Variants in SPOCK1 observed in about 807,000 individuals in gnomAD.
SPOCK1 encodes the protein testican-1.
A neutral mutation model predicts 55.3 loss-of-function variants in SPOCK1; 23 were observed. The observed-to-expected ratio is 0.42, with a 90% confidence interval of 0.30 to 0.59. SPOCK1 has a LOEUF of 0.59. Among genes scored for constraint, SPOCK1 ranks in the 20% least tolerant of loss-of-function variants. SPOCK1 has a pLI of 0.22. For synonymous variants in SPOCK1, 226 were observed against 221.0 expected (o/e 1.02, Z -0.20); for missense variants, 499 against 552.5 (o/e 0.90, Z 0.97).
chr5:137,145,132 A>AT (rs1296706596), intron 3 of SPOCK1, among the ~76,000 whole-genome samples: 1 of 152,162 alleles, frequency 6.6e-6, no homozygotes, highest in Non-Finnish European at 1.5e-5. Flanking sequence ...AAATCCAATT[A>AT]TTTTTTTCAA....
intron 2 of SPOCK1, among the ~76,000 whole-genome samples, chr5:137,419,429 A>G (rs1752433500): frequency 6.6e-6 from 1 of 152,214 alleles, no homozygotes; most frequent in Non-Finnish European, 1.5e-5. Context: ...CTTCCTACCC[A>G]TGAGCATGGA....
At chr5:137,084,859 T>A (rs1217039930) in intron 5 of SPOCK1, among the ~76,000 whole-genome samples, 2 of 151,680 alleles carry the variant, frequency 1.3e-5, no homozygotes, top group Non-Finnish European at 2.9e-5. Flanking sequence ...CTCCAAATGC[T>A]TTTCCTCGGG....
chr5:137,105,913 G>A (rs192528191), intron 5 of SPOCK1, among the ~76,000 whole-genome samples: 3 of 152,272 alleles, frequency 2.0e-5, no homozygotes, highest in African/African-American at 2.4e-5. Flanking sequence ...CTTGGTCGCC[G>A]ATTACCAGCA....
At chr5:137,344,352 G>A (rs976688153) in intron 2 of SPOCK1, among the ~76,000 whole-genome samples, 2 of 152,220 alleles carry the variant, frequency 1.3e-5, no homozygotes, top group African/African-American at 4.8e-5. Context: ...TTACAAGTCC[G>A]AAGTCATTTC....
At chr5:137,016,335 G>A (rs771477861) in intron 6 of SPOCK1, among the ~76,000 whole-genome samples, 7 of 152,148 alleles carry the variant, frequency 4.6e-5, no homozygotes, top group Non-Finnish European at 1.5e-5. Context: ...CCGCAAGCAC[G>A]AGCACAGCAG....
At chr5:137,143,438 G>A (rs868233437) in intron 3 of SPOCK1, among the ~76,000 whole-genome samples, 28 of 151,150 alleles carry the variant, frequency 1.9e-4, no homozygotes, top group Middle Eastern at 3.4e-3. Context: ...CCAAGGCAGA[G>A]TAGCTTCTGG....
chr5:137,253,751 C>G (rs1200605651), intron 3 of SPOCK1, among the ~76,000 whole-genome samples: 1 of 152,212 alleles, frequency 6.6e-6, no homozygotes, highest in African/African-American at 2.4e-5. Flanking sequence ...CCCTTTGCAA[C>G]TCCCACCCTC....
At position 136,976,795 on chromosome 5, in the gene SPOCK1, G is replaced by C. The variant is rs894094229; in HGVS notation, c.*1859C>G. On this transcript the variant is annotated 3_prime_UTR_variant, in exon 11 of 11. Transcript: ENST00000394945. ...GTTATTTACGAAGCCAAAGGACTTT[G>C]CTATATCAAGTAGTTCATTTCTTAT... 2.6e-5 allele frequency: 4 copies of C among 152,188 alleles called. No homozygotes were observed. Among genetic ancestry groups the C allele is most frequent in the Non-Finnish European group, 5.9e-5 (4 of 68,038 alleles). The allele number at this position is 152,188 out of a possible 1,614,324, so 9.4% of individuals were successfully genotyped here.
At chr5:137,140,717 G>T (rs370837423) in intron 3 of SPOCK1, 23 bp from the exon 4 acceptor site, 2 of 1,497,738 alleles carry the variant, frequency 1.3e-6, no homozygotes, top group African/African-American at 1.4e-5. Context: ...CAAGAAGGAG[G>T]GCAGGGTTTA....
rs739926 is a variant in SPOCK1 at position 137,113,249 on chromosome 5, C to T, written c.348-688G>A. Among the ~76,000 whole-genome samples the T allele has an allele frequency of 5.0e-3, 763 of 152,258 alleles. 8 individuals carry two copies. The highest frequency in any genetic ancestry group is 0.017 in the African/African-American group (718 of 41,542). On this transcript the variant is annotated intron_variant, in intron 4 of 10. Coordinates refer to ENST00000394945, the MANE Select transcript of SPOCK1 (RefSeq NM_004598.4). ...TAAATGTCGCTATTAGGATGACTTA[C>T]GTCCACGGAAGGAACCCCATCACTA...
intron 3 of SPOCK1, among the ~76,000 whole-genome samples, chr5:137,187,535 T>G (rs899862411): frequency 3.9e-5 from 6 of 152,106 alleles, no homozygotes; most frequent in Admixed American, 6.6e-5. Context: ...CTTACTGAGG[T>G]GTTCCTGGGT....
intron 6 of SPOCK1, among the ~76,000 whole-genome samples, chr5:137,039,270 C>CTTCTT (rs1751943520): frequency 7.9e-5 from 7 of 88,948 alleles, no homozygotes; most frequent in African/African-American, 2.6e-4. Flanking sequence ...GCCTGCCACA[C>CTTCTT]TTTTTTTTTT....
intron 2 of SPOCK1, among the ~76,000 whole-genome samples, chr5:137,460,913 T>A (rs1404964624): frequency 6.6e-6 from 1 of 152,170 alleles, no homozygotes; most frequent in Non-Finnish European, 1.5e-5. Flanking sequence ...ACCAGCTGCC[T>A]CCACTCAACT....
At chr5:137,433,970 A>G (rs945811119) in intron 2 of SPOCK1, among the ~76,000 whole-genome samples, 5 of 152,270 alleles carry the variant, frequency 3.3e-5, no homozygotes, top group Non-Finnish European at 5.9e-5. Context: ...GAAACAATTC[A>G]TGACAAAAAT....
At chr5:137,343,808 G>A (rs992155689) in intron 2 of SPOCK1, among the ~76,000 whole-genome samples, 11 of 152,188 alleles carry the variant, frequency 7.2e-5, no homozygotes, top group African/African-American at 2.2e-4. Context: ...CAGAAAGCCT[G>A]TAAGGTGCTG....
intron 2 of SPOCK1, among the ~76,000 whole-genome samples, chr5:137,298,881 T>C (rs748872526): frequency 1.3e-5 from 2 of 152,176 alleles, no homozygotes; most frequent in African/African-American, 2.4e-5. Flanking sequence ...CCCATTTCTC[T>C]ATATTTCAAG....
chr5:137,457,026 C>CT (rs1580937695), intron 2 of SPOCK1, among the ~76,000 whole-genome samples: 2 of 152,334 alleles, frequency 1.3e-5, no homozygotes, highest in East Asian at 3.9e-4. Context: ...AGTTATCCTA[C>CT]TTAATGGTCT....
intron 4 of SPOCK1, among the ~76,000 whole-genome samples, chr5:137,113,712 A>G (rs1405074134): frequency 6.6e-6 from 1 of 152,218 alleles, no homozygotes; most frequent in Non-Finnish European, 1.5e-5. Flanking sequence ...AATGGTAGCC[A>G]TTATTACAAT....
At chr5:137,357,839 T>C (rs1271344411) in intron 2 of SPOCK1, among the ~76,000 whole-genome samples, 2 of 152,142 alleles carry the variant, frequency 1.3e-5, no homozygotes, top group Admixed American at 6.5e-5. Context: ...CCCTTATAAT[T>C]CCCTCTTCTT....
Sources: gnomAD v4.1 joint callset for allele counts (sites outside exome capture counted in the v4.1 genomes callset) on GRCh38, gnomAD v4.1.1 for gene constraint, MANE v1.5 for transcripts, NCBI Gene and HGNC (gene_info 2026-07-23, HGNC 2026-07-21) for gene names.